Variants in NRG3 observed in about 807,000 individuals in gnomAD.
NRG3 encodes the protein neuregulin 3.
A neutral mutation model predicts 66.9 loss-of-function variants in NRG3; 31 were observed. The ratio of observed to expected loss-of-function variants is 0.46; its 90% CI spans 0.35 to 0.63. The LOEUF (loss-of-function observed/expected upper bound fraction) is 0.63. NRG3 is among the 20% of genes least tolerant of loss of function. NRG3 has a pLI of 0.00. For synonymous variants in NRG3, 393 were observed against 359.4 expected (o/e 1.09, Z -1.06); for missense variants, 910 against 878.9 (o/e 1.04, Z -0.45).
At chr10:82,940,638 G>A (rs1314123990) in intron 4 of NRG3, among the ~76,000 whole-genome samples, 3 of 152,144 alleles carry the variant, frequency 2.0e-5, no homozygotes, top group Non-Finnish European at 4.4e-5. Flanking sequence ...TGGAGGCTGG[G>A]AAGACCAGGG....
intron 2 of NRG3, among the ~76,000 whole-genome samples, chr10:82,646,153 C>T (rs2050914409): frequency 6.6e-6 from 1 of 152,080 alleles, no homozygotes; most frequent in Non-Finnish European, 1.5e-5. Context: ...ACCTCCTAAC[C>T]TCTTGGCCCT....
intron 2 of NRG3, among the ~76,000 whole-genome samples, chr10:82,448,278 C>T (rs1414360268): frequency 6.6e-6 from 1 of 152,166 alleles, no homozygotes; most frequent in Non-Finnish European, 1.5e-5. Flanking sequence ...ATGGCAGCCC[C>T]CACCCGCTTT....
intron 1 of NRG3, chr10:81,877,911 C>T (rs1419952018): frequency 7.8e-6 from 12 of 1,536,650 alleles, no homozygotes; most frequent in Non-Finnish European, 2.6e-6. Context: ...TGAGTCTACC[C>T]TGAAGACCCC....
At chr10:82,509,153 T>C (rs1393493919) in intron 2 of NRG3, among the ~76,000 whole-genome samples, 3 of 152,160 alleles carry the variant, frequency 2.0e-5, no homozygotes, top group East Asian at 3.9e-4. Context: ...TCTTCTGTCT[T>C]GGTTTTCACC....
At chr10:82,806,310 G>A (rs764855217) in intron 3 of NRG3, among the ~76,000 whole-genome samples, 2 of 152,126 alleles carry the variant, frequency 1.3e-5, no homozygotes, top group Non-Finnish European at 2.9e-5. Flanking sequence ...AATTATGCCC[G>A]ATTGTCTGAA....
intron 2 of NRG3, among the ~76,000 whole-genome samples, chr10:82,651,509 A>G (rs2051410935): frequency 6.6e-6 from 1 of 152,218 alleles, no homozygotes; most frequent in Non-Finnish European, 1.5e-5. Context: ...CCATGTCATA[A>G]GGACACTCAA....
At chr10:81,938,602 G>T (rs559352886) in intron 1 of NRG3, among the ~76,000 whole-genome samples, 1 of 143,452 alleles carries the variant, frequency 7.0e-6, no homozygotes, top group Non-Finnish European at 1.5e-5. Context: ...TGCTGAATTC[G>T]TTTATGAGTT....
At chr10:82,593,138 G>A (rs939403267) in intron 2 of NRG3, among the ~76,000 whole-genome samples, 2 of 152,044 alleles carry the variant, frequency 1.3e-5, no homozygotes, top group Non-Finnish European at 2.9e-5. Context: ...ACTGTTCTTA[G>A]AGTCAAGATT....
intron 2 of NRG3, among the ~76,000 whole-genome samples, chr10:82,520,015 A>G (rs930948432): frequency 6.6e-6 from 1 of 152,016 alleles, no homozygotes; most frequent in African/African-American, 2.4e-5. Context: ...AAATAGTAGT[A>G]GTTTAAATGA....
chr10:82,074,161 A>T (rs966296309), intron 1 of NRG3, among the ~76,000 whole-genome samples: 2 of 151,852 alleles, frequency 1.3e-5, no homozygotes, highest in East Asian at 3.9e-4. Context: ...ATGTGAAAAG[A>T]TTTGACAGAG....
At chr10:82,354,680 C>G (rs1405891841) in intron 1 of NRG3, among the ~76,000 whole-genome samples, 1 of 152,160 alleles carries the variant, frequency 6.6e-6, no homozygotes, top group Non-Finnish European at 1.5e-5. Context: ...ATGTGAGCCA[C>G]CGCGCTGGGC....
At chr10:82,251,513 C>T (rs1367223313) in intron 1 of NRG3, among the ~76,000 whole-genome samples, 1 of 152,160 alleles carries the variant, frequency 6.6e-6, no homozygotes, top group African/African-American at 2.4e-5. Flanking sequence ...GCTGCACTCT[C>T]CTGCCTTGAG....
chr10:82,062,269 G>A (rs1201859942), intron 1 of NRG3, among the ~76,000 whole-genome samples: 4 of 152,090 alleles, frequency 2.6e-5, no homozygotes, highest in Admixed American at 6.6e-5. Flanking sequence ...TGCCAGAGGG[G>A]AGCAGATTGG....
chr10:82,578,306 A>G (rs990946131), intron 2 of NRG3, among the ~76,000 whole-genome samples: 33 of 142,258 alleles, frequency 2.3e-4, no homozygotes, highest in Admixed American at 4.9e-4. Flanking sequence ...ATGAAACTCA[A>G]GTTTCTCTGA....
intron 2 of NRG3, among the ~76,000 whole-genome samples, chr10:82,425,659 C>T (rs181447439): frequency 1.5e-4 from 23 of 152,060 alleles, no homozygotes; most frequent in African/African-American, 3.9e-4. Context: ...AAGCCACACA[C>T]GGTGTATTGG....
intron 3 of NRG3, among the ~76,000 whole-genome samples, chr10:82,753,910 G>A (rs1018226185): frequency 4.0e-5 from 6 of 148,434 alleles, no homozygotes; most frequent in Admixed American, 6.8e-5. Flanking sequence ...TCATGCCTCT[G>A]CACTCCAGCC....
chr10:82,223,353 AAGACAGGCTGTC>A (rs2076025625), intron 1 of NRG3, among the ~76,000 whole-genome samples: 1 of 152,070 alleles, frequency 6.6e-6, no homozygotes, highest in Admixed American at 6.6e-5. Context: ...AACATATCAC[AAGACAGGCTGTC>A]TGTTCATATA....
intron 1 of NRG3, among the ~76,000 whole-genome samples, chr10:81,995,720 T>C (rs1465008004): frequency 6.6e-6 from 1 of 152,206 alleles, no homozygotes; most frequent in Non-Finnish European, 1.5e-5. Flanking sequence ...AGTTGAATGT[T>C]GGGGTGAATG....
chr10:81,975,874 G>A (rs1301861973), intron 1 of NRG3, among the ~76,000 whole-genome samples: 2 of 152,148 alleles, frequency 1.3e-5, no homozygotes, highest in African/African-American at 4.8e-5. Flanking sequence ...TGAGGAAGAA[G>A]AAAACAGATG....
Sources: gnomAD v4.1 joint callset for allele counts (sites outside exome capture counted in the v4.1 genomes callset) on GRCh38, gnomAD v4.1.1 for gene constraint, MANE v1.5 for transcripts, NCBI Gene and HGNC (gene_info 2026-07-23, HGNC 2026-07-21) for gene names.